MYO5B: variants seen among roughly 807,000 people sequenced by gnomAD.
MYO5B encodes myosin VB.
MYO5B carries 143 observed loss-of-function variants against 229.3 expected under a neutral mutation model. The observed-to-expected ratio is 0.62, with a 90% CI of 0.54 to 0.72. MYO5B has a LOEUF of 0.72. MYO5B is among the 30% of genes least tolerant of loss of function. The pLI, the probability that MYO5B is intolerant of heterozygous loss-of-function variation, is 0.00. For missense variants in MYO5B, 2,321 were observed against 2,331.0 expected, an observed-to-expected ratio of 1.00 and a Z score of 0.09; for synonymous variants, 918 against 885.2, an observed-to-expected ratio of 1.04 and a Z score of -0.66.
chr18:50,065,015 G>A (rs963163143), intron 1 of MYO5B, among the ~76,000 whole-genome samples: 1 of 152,218 alleles, frequency 6.6e-6, no homozygotes, highest in Admixed American at 6.5e-5. Context: ...CTGTCTTCAA[G>A]AGATGACCTA....
chr18:50,114,403 C>G (rs2031919821), intron 1 of MYO5B, among the ~76,000 whole-genome samples: 1 of 152,218 alleles, frequency 6.6e-6, no homozygotes, highest in Non-Finnish European at 1.5e-5. Context: ...TTCAAAGCCG[C>G]ACTGACTCCT....
Position 49,823,841 on chromosome 18 carries a change from C to T in MYO5B, c.*2630G>A, listed in dbSNP as rs1568597279. On this transcript the variant is annotated 3_prime_UTR_variant, in exon 40 of 40. Coordinates refer to ENST00000285039, the MANE Select transcript of MYO5B (RefSeq NM_001080467.3). ...ATAAGTAAACAGGTCCCGTATAATA[C>T]TTAAAACACAAGTTTTGATCTATAA... The T allele has an allele frequency of 6.6e-6, 1 of 152,588 alleles. No individual in the cohort carries two copies. The highest frequency in any genetic ancestry group is 1.5e-5 in the Non-Finnish European group (1 of 68,030). The allele number at this position is 152,588 out of a possible 1,614,324, so 9.5% of individuals were successfully genotyped here. A position where few individuals can be genotyped will look rare whatever the true frequency, so the allele number is the denominator to read the frequency against.
chr18:50,194,624 A>G, intron 1 of MYO5B, 143 bp downstream of exon 1: 1 of 548,128 alleles, frequency 1.8e-6, no homozygotes, highest in Non-Finnish European at 3.2e-6. Flanking sequence ...GACTCCGAGG[A>G]CAGTGACGAG....
At chr18:50,076,137 T>A (rs919528648) in intron 1 of MYO5B, among the ~76,000 whole-genome samples, 6 of 152,112 alleles carry the variant, frequency 3.9e-5, no homozygotes, top group African/African-American at 1.4e-4. Context: ...ATATTTCCTT[T>A]TTCTTCTTTT....
chr18:50,075,599 A>G (rs1375856199), intron 1 of MYO5B, among the ~76,000 whole-genome samples: 3 of 152,144 alleles, frequency 2.0e-5, no homozygotes, highest in Admixed American at 2.0e-4. Flanking sequence ...CCTAGATCCT[A>G]GTGTGAGGTC....
At chr18:50,156,728 A>G (rs968160888) in intron 1 of MYO5B, among the ~76,000 whole-genome samples, 1 of 152,214 alleles carries the variant, frequency 6.6e-6, no homozygotes, top group African/African-American at 2.4e-5. Flanking sequence ...AGGTAGCCCA[A>G]TACATTCTAG....
chr18:50,040,140 T>C lies in MYO5B; in HGVS notation c.310+3A>G. 2 of 1,614,094 alleles carry C rather than the reference T, an allele frequency of 1.2e-6. No homozygotes were observed. The highest frequency in any genetic ancestry group is 1.7e-6 in the Non-Finnish European group (2 of 1,179,996). On this transcript the variant is annotated splice_donor_region_variant and intron_variant, in intron 3 of 39. Coordinates refer to ENST00000285039, the MANE Select transcript of MYO5B (RefSeq NM_001080467.3). ...ATGCAGCCAACAGATGCCCCCCACT[T>C]ACCACAGTAAGTGTAGATATGGTTG...
chr18:49,889,367 T>C (rs1466477576), intron 22 of MYO5B, among the ~76,000 whole-genome samples: 21 of 152,166 alleles, frequency 1.4e-4, no homozygotes, highest in Non-Finnish European at 3.1e-4. Context: ...ACAAGTAAAA[T>C]CAAACTGAAA....
intron 1 of MYO5B, among the ~76,000 whole-genome samples, chr18:50,163,536 G>C (rs1021461681): frequency 2.0e-5 from 3 of 152,202 alleles, no homozygotes; most frequent in African/African-American, 7.2e-5. Context: ...CACAATCTTA[G>C]TTTCTCCTCC....
chr18:50,040,311 G>C lies in MYO5B; in HGVS notation c.142C>G (p.Leu48Val). Residue 48 changes from leucine to valine, a missense_variant, in exon 3 of 40, where the codon CTG becomes GTG. Physicochemically the swap from Leu to Val is conservative, Grantham distance 32. This residue lies in a region of MYO5B where 2,113 missense variants were observed against 2,044.7 expected (regional missense o/e 1.03). Coordinates refer to ENST00000285039, the MANE Select transcript of MYO5B (RefSeq NM_001080467.3). ...CGTTGTACATCAATTGGGTATTCCA[G>C]AATCTAAAGACATGCAAGTAGCAGA... ...LQLRLEDETI[L>V]EYPIDVQRNQ... 1 of 1,614,020 alleles carries C rather than the reference G, an allele frequency of 6.2e-7. No homozygotes were observed. Among genetic ancestry groups the C allele is most frequent in the South Asian group, 1.1e-5 (1 of 91,066 alleles).
intron 13 of MYO5B, among the ~76,000 whole-genome samples, chr18:49,953,985 T>C (rs1213340455): frequency 2.7e-5 from 4 of 147,868 alleles, no homozygotes; most frequent in African/African-American, 1.0e-4. Flanking sequence ...GTGTATAGAC[T>C]ATATATATAC....
chr18:50,132,574 A>G (rs2032271003), intron 1 of MYO5B, among the ~76,000 whole-genome samples: 1 of 152,188 alleles, frequency 6.6e-6, no homozygotes, highest in Non-Finnish European at 1.5e-5. Context: ...ATGAACATTA[A>G]TACTTATTTC....
At chr18:50,103,564 C>T (rs970122263) in intron 1 of MYO5B, among the ~76,000 whole-genome samples, 1 of 152,120 alleles carries the variant, frequency 6.6e-6, no homozygotes, top group Non-Finnish European at 1.5e-5. Context: ...AGCTAGGCAA[C>T]AAAGTGAGGC....
intron 21 of MYO5B, 69 bp downstream of exon 21, chr18:49,902,525 T>C: frequency 1.3e-6 from 2 of 1,595,370 alleles, no homozygotes; most frequent in Non-Finnish European, 1.7e-6. Context: ...TCAAGGAAGC[T>C]GTGGGCTCTC....
chr18:50,015,246 C>T (rs903901207), intron 4 of MYO5B, among the ~76,000 whole-genome samples: 1 of 152,126 alleles, frequency 6.6e-6, no homozygotes, highest in African/African-American at 2.4e-5. Context: ...GGGAAATGAA[C>T]CCCTCTGACC....
intron 39 of MYO5B, among the ~76,000 whole-genome samples, chr18:49,827,025 T>G (rs1319894681): frequency 6.6e-6 from 1 of 152,102 alleles, no homozygotes; most frequent in Non-Finnish European, 1.5e-5. Context: ...TTTTTATGCC[T>G]CAGTTTCTTT....
intron 4 of MYO5B, among the ~76,000 whole-genome samples, chr18:50,022,984 C>A (rs1482927998): frequency 6.6e-6 from 1 of 152,150 alleles, no homozygotes; most frequent in African/African-American, 2.4e-5. Flanking sequence ...GAGGAGGCAA[C>A]TGACAAACCC....
intron 1 of MYO5B, among the ~76,000 whole-genome samples, chr18:50,106,838 G>A (rs116427287): frequency 0.01 from 1,579 of 152,310 alleles, 35 homozygotes; most frequent in African/African-American, 0.037. Context: ...CTCAAGGCTT[G>A]CCGATAGATA....
chr18:50,042,771 T>C (rs1334516104), intron 2 of MYO5B, among the ~76,000 whole-genome samples: 1 of 152,072 alleles, frequency 6.6e-6, no homozygotes, highest in Non-Finnish European at 1.5e-5. Context: ...GCTGCCCTCC[T>C]CTCCCGGGCT....
Sources: allele counts gnomAD v4.1 joint callset (sites outside exome capture counted in the v4.1 genomes callset), GRCh38; gene constraint gnomAD v4.1.1; regional missense constraint gnomAD v4.1.1; transcripts MANE v1.5; gene names NCBI Gene and HGNC (gene_info 2026-07-23, HGNC 2026-07-21).